Variants in CD226 observed in about 807,000 individuals in gnomAD.
CD226 encodes the protein CD226 molecule.
CD226 carries 24 observed loss-of-function variants against 34.9 expected under a neutral mutation model. The observed-to-expected ratio is 0.69, with a 90% CI of 0.50 to 0.97. The LOEUF is 0.97. CD226 is among the 50% of genes least tolerant of loss of function. The pLI is 0.00. For synonymous variants in CD226, 148 were observed against 147.4 expected (o/e 1.00, Z -0.03); for missense variants, 397 against 412.7 (o/e 0.96, Z 0.33).
chr18:69,958,788 AACAC>A (rs59835947), upstream of CD226, among the ~76,000 whole-genome samples: 86,003 of 143,596 alleles, frequency 0.6, 29,747 homozygotes, highest in Non-Finnish European at 0.75. Context: ...TTCACAGGCA[AACAC>A]ACACACACAC....
intron 3 of CD226, among the ~76,000 whole-genome samples, chr18:69,877,013 G>A (rs1056095783): frequency 1.1e-4 from 16 of 151,878 alleles, no homozygotes; most frequent in South Asian, 2.1e-4. Context: ...ACAGGCACCC[G>A]CCACTACGTC....
chr18:69,887,936 G>C (rs1788238), intron 3 of CD226, among the ~76,000 whole-genome samples: 61,309 of 151,990 alleles, frequency 0.4, 12,809 homozygotes, highest in Middle Eastern at 0.57. Flanking sequence ...CTTAAAGATA[G>C]AAATTGGGGT....
intron 5 of CD226, among the ~76,000 whole-genome samples, chr18:69,866,155 T>G (rs1004881896): frequency 4.6e-5 from 7 of 152,200 alleles, no homozygotes; most frequent in African/African-American, 1.7e-4. Context: ...CTGATCCCAT[T>G]CACGAAGACG....
At chr18:69,885,021 T>G (rs550673589) in intron 3 of CD226, among the ~76,000 whole-genome samples, 1 of 152,354 alleles carries the variant, frequency 6.6e-6, no homozygotes, top group Admixed American at 6.5e-5. Flanking sequence ...GAGGAGATTT[T>G]GTTTCTAATT....
chr18:69,937,887 A>G (rs569977165), intron 2 of CD226, among the ~76,000 whole-genome samples: 1 of 152,308 alleles, frequency 6.6e-6, no homozygotes, highest in East Asian at 1.9e-4. Context: ...GGAGCCCTTA[A>G]TATTAAAGGA....
At position 69,895,704 on chromosome 18, in the gene CD226, C is replaced by T. The variant is rs75602338; in HGVS notation, c.724G>A (p.Glu242Lys). ...AAGATGTCTGGTGCTCACTCACCCTCGGCTACAGTCAATCTCATCACGAAG... is the reference window on the plus strand; with the variant it reads ...AAGATGTCTGGTGCTCACTCACCCTTGGCTACAGTCAATCTCATCACGAAG... ...ETFVMRLTVAEGKTDNQYTLF... is the reference protein window; with the variant it reads ...ETFVMRLTVAKGKTDNQYTLF... Residue 242 changes from glutamate (E) to lysine (K), a missense_variant, in exon 3 of 6, where the codon GAG becomes AAG. Physicochemically the swap from Glu to Lys is moderately conservative, Grantham distance 56. Coordinates refer to ENST00000582621, the MANE Select transcript of CD226 (RefSeq NM_001303618.2). The T allele has an allele frequency of 1.1e-3, 1,841 of 1,609,350 alleles. 23 individuals are homozygous for T. In the African/African-American group the frequency reaches 0.021, roughly 18 times the overall value.
intron 3 of CD226, among the ~76,000 whole-genome samples, chr18:69,883,161 A>G (rs1349819726): frequency 1.3e-5 from 2 of 152,232 alleles, no homozygotes; most frequent in African/African-American, 2.4e-5. Context: ...TTGGATAAGC[A>G]TAGCAGTGAG....
chr18:69,917,778 G>C (rs2055403554), intron 2 of CD226, among the ~76,000 whole-genome samples: 1 of 152,134 alleles, frequency 6.6e-6, no homozygotes, highest in Non-Finnish European at 1.5e-5. Context: ...CTTGGACAAG[G>C]GGGGAGTCAT....
chr18:69,929,112 GAATAT>G (rs967932743), intron 2 of CD226, among the ~76,000 whole-genome samples: 2 of 152,160 alleles, frequency 1.3e-5, no homozygotes, highest in African/African-American at 4.8e-5. Context: ...GGTGACTCAG[GAATAT>G]ATTATTTACA....
intron 2 of CD226, among the ~76,000 whole-genome samples, chr18:69,934,279 T>TACACACACACAC (rs760259895): frequency 2.7e-3 from 200 of 73,208 alleles, no homozygotes; most frequent in Middle Eastern, 7.7e-3. Context: ...ACACAGAGGA[T>TACACACACACAC]ACACACACAC....
chr18:69,938,018 G>T (rs1408932646), intron 2 of CD226, among the ~76,000 whole-genome samples: 2 of 152,188 alleles, frequency 1.3e-5, no homozygotes, highest in African/African-American at 4.8e-5. Flanking sequence ...AGAGATAAGA[G>T]CCTTCTAAGA....
rs1459685453 is a variant in CD226, at chr18:69,862,283, G to C, written c.*2031C>G. Reference sequence around the variant, plus strand: ...CACATACACTAATCATTGAGAATTTGGTTATTGGAGTTTTCCAGAAAGTAA... The same window carrying C: ...CACATACACTAATCATTGAGAATTTCGTTATTGGAGTTTTCCAGAAAGTAA... On this transcript the variant is annotated 3_prime_UTR_variant, in exon 6 of 6. Coordinates refer to ENST00000582621, the MANE Select transcript of CD226 (RefSeq NM_001303618.2). 1 of 152,058 alleles carries C rather than the reference G, an allele frequency of 6.6e-6. No homozygotes were observed. The highest frequency in any genetic ancestry group is 1.5e-5 in the Non-Finnish European group (1 of 67,966). The allele number at this position is 152,058 out of a possible 1,614,324, so 9.4% of individuals were successfully genotyped here.
At chr18:69,879,056 GA>G (rs1310793422) in intron 3 of CD226, among the ~76,000 whole-genome samples, 2 of 152,156 alleles carry the variant, frequency 1.3e-5, no homozygotes, top group African/African-American at 4.8e-5. Flanking sequence ...TTTCAAAGGG[GA>G]GGGAGTGTAT....
intron 2 of CD226, among the ~76,000 whole-genome samples, chr18:69,911,187 TA>T (rs1178179484): frequency 6.6e-6 from 1 of 152,210 alleles, no homozygotes; most frequent in Non-Finnish European, 1.5e-5. Context: ...GAGTTAATCT[TA>T]TTTTTTGAAG....
chr18:69,928,309 G>A (rs568450956), intron 2 of CD226, among the ~76,000 whole-genome samples: 14 of 152,212 alleles, frequency 9.2e-5, no homozygotes, highest in African/African-American at 2.9e-4. Context: ...CTCTTTTGCT[G>A]TTTTATTGAG....
At chr18:69,907,202 A>T (rs1255290389) in intron 2 of CD226, among the ~76,000 whole-genome samples, 1 of 152,160 alleles carries the variant, frequency 6.6e-6, no homozygotes, top group Admixed American at 6.5e-5. Flanking sequence ...CTTCTCAGGG[A>T]CTGCTTCTGG....
At chr18:69,912,968 CAACA>C (rs982430388) in intron 2 of CD226, among the ~76,000 whole-genome samples, 8 of 152,144 alleles carry the variant, frequency 5.3e-5, no homozygotes, top group Non-Finnish European at 8.8e-5. Context: ...GAACTCAGTG[CAACA>C]AACAGTTTGT....
chr18:69,921,806 C>T (rs17081832), intron 2 of CD226, among the ~76,000 whole-genome samples: 6,463 of 152,254 alleles, frequency 0.042, 485 homozygotes, highest in African/African-American at 0.15. Flanking sequence ...CTTAGTCTTA[C>T]TGCTCTACTG....
At chr18:69,909,391 C>T (rs763670609) in intron 2 of CD226, among the ~76,000 whole-genome samples, 1 of 152,178 alleles carries the variant, frequency 6.6e-6, no homozygotes, top group Non-Finnish European at 1.5e-5. Flanking sequence ...GCACCACTCA[C>T]CCCTGAGCAT....
Sources: gnomAD v4.1 joint callset for allele counts (sites outside exome capture counted in the v4.1 genomes callset) on GRCh38, gnomAD v4.1.1 for gene constraint, MANE v1.5 for transcripts, NCBI Gene and HGNC (gene_info 2026-07-23, HGNC 2026-07-21) for gene names.